TMTC2: variants seen among roughly 807,000 people sequenced by gnomAD.
TMTC2 encodes protein O-mannosyl-transferase TMTC2.
A neutral mutation model predicts 82.4 loss-of-function variants in TMTC2; 43 were observed. The observed-to-expected ratio is 0.52, with a 90% CI of 0.41 to 0.67. The LOEUF is 0.67. TMTC2 is among the 30% of genes least tolerant of loss of function. The pLI is 0.00. For synonymous variants in TMTC2, 408 were observed against 381.9 expected, an observed-to-expected ratio of 1.07 and a Z score of -0.80; for missense variants, 919 against 1,012.4, an observed-to-expected ratio of 0.91 and a Z score of 1.25.
intron 1 of TMTC2, among the ~76,000 whole-genome samples, chr12:82,767,293 A>G (rs933500938): frequency 6.6e-6 from 1 of 152,220 alleles, no homozygotes; most frequent in Non-Finnish European, 1.5e-5. Flanking sequence ...TTAAAGTTGA[A>G]CTAGGGTATG....
chr12:82,735,537 A>T (rs11115367), intron 1 of TMTC2, among the ~76,000 whole-genome samples: 1 of 151,670 alleles, frequency 6.6e-6, no homozygotes, highest in Non-Finnish European at 1.5e-5. Context: ...AGTAGAGACG[A>T]AGTTTCACTG....
rs558541010 is a variant in TMTC2, at chr12:82,742,375, C to G, written c.83+54706C>G. On this transcript the variant is annotated intron_variant, in intron 1 of 11. Coordinates refer to ENST00000321196, the MANE Select transcript of TMTC2 (RefSeq NM_152588.3). ...GAAGAAGTTTAAAAAAAAAAAATGC[C>G]GTGTTGTCTACAACATTTACATTAT... Among the ~76,000 whole-genome samples the G allele has an allele frequency of 4.0e-5, 6 of 151,316 alleles. No homozygotes were observed. In the East Asian group the frequency reaches 1.2e-3, roughly 29 times the overall value.
At chr12:82,945,565 G>A (rs935865959) in intron 4 of TMTC2, among the ~76,000 whole-genome samples, 8 of 152,138 alleles carry the variant, frequency 5.3e-5, no homozygotes, top group East Asian at 3.8e-4. Flanking sequence ...CTAAAATTAC[G>A]CTAACATGGA....
At chr12:82,824,922 C>A (rs1453883107) in intron 1 of TMTC2, among the ~76,000 whole-genome samples, 1 of 152,058 alleles carries the variant, frequency 6.6e-6, no homozygotes, top group Non-Finnish European at 1.5e-5. Context: ...AACCCCGTAT[C>A]TACTAAAATT....
At chr12:82,788,933 A>G (rs1878318859) in intron 1 of TMTC2, among the ~76,000 whole-genome samples, 7 of 152,116 alleles carry the variant, frequency 4.6e-5, no homozygotes. Flanking sequence ...TGGGAGGCCA[A>G]AGCAGAGGAC....
intron 11 of TMTC2, among the ~76,000 whole-genome samples, chr12:83,063,606 C>T (rs2137476214): frequency 6.6e-6 from 1 of 152,012 alleles, no homozygotes; most frequent in East Asian, 1.9e-4. Context: ...TAAATGGAAT[C>T]ACACTGTAAC....
intron 8 of TMTC2, among the ~76,000 whole-genome samples, chr12:82,989,761 T>TG (rs940030954): frequency 4.0e-5 from 6 of 151,544 alleles, no homozygotes; most frequent in Admixed American, 1.3e-4. Context: ...GGCTTTTTTT[T>TG]TTTTCAGATT....
intron 11 of TMTC2, among the ~76,000 whole-genome samples, chr12:83,097,648 T>G (rs547225852): frequency 6.6e-6 from 1 of 152,238 alleles, no homozygotes; most frequent in East Asian, 1.9e-4. Flanking sequence ...AAATATAAAA[T>G]ATAATCAAAT....
At chr12:82,897,272 A>G (rs919732319) in intron 3 of TMTC2, among the ~76,000 whole-genome samples, 1 of 152,226 alleles carries the variant, frequency 6.6e-6, no homozygotes, top group Admixed American at 6.5e-5. Flanking sequence ...TTCTCACTAC[A>G]TAATGAGAGT....
At chr12:82,984,192 G>A (rs1879053367) in intron 7 of TMTC2, among the ~76,000 whole-genome samples, 1 of 151,760 alleles carries the variant, frequency 6.6e-6, no homozygotes, top group African/African-American at 2.4e-5. Flanking sequence ...AACTTCTTAA[G>A]TGCAGATATG....
chr12:82,705,105 C>T (rs1873285184), intron 1 of TMTC2, among the ~76,000 whole-genome samples: 1 of 152,130 alleles, frequency 6.6e-6, no homozygotes, highest in African/African-American at 2.4e-5. Flanking sequence ...ACCAAACATC[C>T]TATGTTCTCA....
intron 11 of TMTC2, among the ~76,000 whole-genome samples, chr12:83,110,338 C>T (rs1884558347): frequency 6.6e-6 from 1 of 152,192 alleles, no homozygotes; most frequent in Non-Finnish European, 1.5e-5. Context: ...TGTTTCCTCT[C>T]TGCCAGATTT....
chr12:82,884,715 T>A (rs1366836482), intron 2 of TMTC2, among the ~76,000 whole-genome samples: 9 of 152,178 alleles, frequency 5.9e-5, no homozygotes, highest in Non-Finnish European at 8.8e-5. Context: ...CATCCTGCAT[T>A]AGTGTTGTGC....
intron 2 of TMTC2, among the ~76,000 whole-genome samples, chr12:82,874,225 C>A (rs1872363079): frequency 6.6e-6 from 1 of 152,032 alleles, no homozygotes; most frequent in Non-Finnish European, 1.5e-5. Context: ...TGACATAAAC[C>A]CTGCAGTTCT....
chr12:82,946,745 C>CTT (rs68095076), intron 4 of TMTC2, among the ~76,000 whole-genome samples: 24,532 of 136,880 alleles, frequency 0.18, 2,757 homozygotes, highest in African/African-American at 0.29. Flanking sequence ...CTTTTCTTTT[C>CTT]TTTTTTTTTT....
At chr12:82,965,410 T>C in intron 5 of TMTC2, 150 bp from the exon 6 acceptor site, 3 of 786,596 alleles carry the variant, frequency 3.8e-6, no homozygotes, top group Non-Finnish European at 6.0e-6. Context: ...TTCACTACCA[T>C]TATTGATCCC....
chr12:82,856,601 G>T (rs1294582863), intron 1 of TMTC2, among the ~76,000 whole-genome samples: 1 of 152,146 alleles, frequency 6.6e-6, no homozygotes, highest in Non-Finnish European at 1.5e-5. Context: ...TTTATTTCTA[G>T]TAGGAGGCTA....
intron 11 of TMTC2, among the ~76,000 whole-genome samples, chr12:83,109,701 A>G (rs1284275669): frequency 6.6e-6 from 1 of 152,140 alleles, no homozygotes; most frequent in African/African-American, 2.4e-5. Context: ...ATTAAATTCT[A>G]AGGTCCATCA....
In TMTC2 at chr12:82,879,832, C is replaced by T. The variant is rs138080800; in HGVS notation, c.655-15986C>T. 3.0e-3 allele frequency among the ~76,000 whole-genome samples: 457 copies of T among 152,254 alleles called. 1 individual carries two copies. The highest frequency in any genetic ancestry group is 0.01 in the Middle Eastern group (3 of 294). On this transcript the variant is annotated intron_variant, in intron 2 of 11. Transcript: ENST00000321196. ...ATGTTTAATAAACATTCATAATTAG[C>T]GTTGCCACTAATAAACCATTTTCTC...
Sources: gnomAD v4.1 joint callset for allele counts (sites outside exome capture counted in the v4.1 genomes callset) on GRCh38, gnomAD v4.1.1 for gene constraint, MANE v1.5 for transcripts, NCBI Gene and HGNC (gene_info 2026-07-23, HGNC 2026-07-21) for gene names.